TTK: variants seen among roughly 807,000 people sequenced by gnomAD.
The protein encoded by TTK is TTK protein kinase, also known as dual specificity protein kinase TTK.
In TTK, 59 loss-of-function variants were observed where a neutral mutation model predicts 117.3. The observed-to-expected ratio is 0.50, with a 90% CI of 0.41 to 0.62. The LOEUF is 0.62. Among genes scored for constraint, TTK ranks in the 20% least tolerant of loss-of-function variants. The pLI, the probability that TTK is intolerant of heterozygous loss-of-function variation, is 0.00. For missense variants in TTK, 921 were observed against 989.4 expected (o/e 0.93, Z 0.93); for synonymous variants, 302 against 325.0 (o/e 0.93, Z 0.76).
At chr6:80,036,408 C>A in intron 16 of TTK, 67 bp from the exon 17 acceptor site, 3 of 1,525,126 alleles carry the variant, frequency 2.0e-6, no homozygotes, top group Admixed American at 2.1e-5. Flanking sequence ...GACCTGTAGA[C>A]TGTGAATTTT....
intron 10 of TTK, among the ~76,000 whole-genome samples, chr6:80,019,213 G>A (rs1279360734): frequency 6.6e-6 from 1 of 152,174 alleles, no homozygotes. Context: ...CTAGCATAAG[G>A]TGAAATTTTT....
chr6:80,007,877 C>T lies in TTK; in HGVS notation c.208C>T (p.Leu70Phe), dbSNP rs763634581. The T allele has an allele frequency of 2.7e-5, 43 of 1,613,128 alleles. No homozygotes were observed. In the South Asian group the frequency reaches 3.8e-4, roughly 14 times the overall value. ...CCCAGAGGACTGGTTGAGTTTGTTG[C>T]TCAAACTAGAGAAAAACAGTGTTCC... Reference protein sequence around the residue: ...NNPEDWLSLLLKLEKNSVPLS... With the variant: ...NNPEDWLSLLFKLEKNSVPLS... Residue 70 changes from leucine (L) to phenylalanine (F), a missense_variant, in exon 3 of 22, where the codon CTC becomes TTC. Physicochemically the swap from Leu to Phe is conservative, Grantham distance 22 (BLOSUM62 0). Transcript: ENST00000369798.
intron 11 of TTK, among the ~76,000 whole-genome samples, chr6:80,022,774 C>T (rs1767496269): frequency 6.6e-6 from 1 of 152,200 alleles, no homozygotes; most frequent in Admixed American, 6.5e-5. Context: ...CACTGACACA[C>T]TCATTCATTT....
chr6:80,037,111 CGTT>C (rs1562025543), intron 17 of TTK, among the ~76,000 whole-genome samples: 20 of 152,022 alleles, frequency 1.3e-4, no homozygotes, highest in Admixed American at 6.6e-5. Flanking sequence ...AACTAAAAGA[CGTT>C]GTTCTATAAA....
chr6:80,008,568 ATAT>A, intron 4 of TTK, 76 bp downstream of exon 4: 2 of 1,319,712 alleles, frequency 1.5e-6, no homozygotes, highest in South Asian at 2.9e-5. Flanking sequence ...ATTAAATCAT[ATAT>A]ATGAAGTGGA....
intron 10 of TTK, among the ~76,000 whole-genome samples, chr6:80,021,203 GAAGGAAAAATCCTTCAGAC>G (rs1249504751): frequency 6.6e-6 from 1 of 152,192 alleles, no homozygotes; most frequent in Admixed American, 6.5e-5. Flanking sequence ...AAAGGGAAGG[GAAGGAAAAATCCTTCAGAC>G]AAGGGTGGTC....
rs1768062917 is a variant in TTK at position 80,042,100 on chromosome 6, T to C, written c.2491-19T>C. On this transcript the variant is annotated intron_variant, in intron 21 of 21. Coordinates refer to ENST00000369798, the MANE Select transcript of TTK (RefSeq NM_003318.5). ...TTAACTAAAAAATTGCAAAACAGAT[T>C]TGTGTTTTTTAATTTCAGACTTTAT... 1.3e-6 allele frequency: 2 copies of C among 1,516,920 alleles called. No individual in the cohort carries two copies. Among genetic ancestry groups the C allele is most frequent in the South Asian group, 2.7e-5 (2 of 74,020 alleles). The allele number at this position is 1,516,920 out of a possible 1,614,324, so 94.0% of individuals were successfully genotyped here.
At chr6:80,016,188 GGT>G (rs1436772715) in intron 10 of TTK, among the ~76,000 whole-genome samples, 1 of 152,044 alleles carries the variant, frequency 6.6e-6, no homozygotes, top group Admixed American at 6.6e-5. Flanking sequence ...TGAATATTTT[GGT>G]GTCTTTTGAT....
chr6:80,007,990 G>GAC lies in TTK; in HGVS notation c.322_323insCA (p.Ser108ThrfsTer8). The GAC allele has an allele frequency of 5.7e-5, 91 of 1,610,226 alleles. No individual in the cohort carries two copies. The highest frequency in any genetic ancestry group is 7.3e-5 in the Non-Finnish European group (86 of 1,176,718). ...CCCCAGATAAATATGGCCAAAATGA[G>GAC]AGTTTTGCTAGAATTCAAGTGAGAT... On this transcript the variant is annotated frameshift_variant, in exon 3 of 22. Coordinates refer to ENST00000369798, the MANE Select transcript of TTK (RefSeq NM_003318.5). LOFTEE classifies it high-confidence loss of function.
At chr6:80,004,750 G>A in intron 1 of TTK, 37 bp downstream of exon 1, 1 of 151,942 alleles carries the variant, frequency 6.6e-6, no homozygotes, top group Non-Finnish European at 1.5e-5. Context: ...GCGCACTGAG[G>A]AACAGCCGCA....
At chr6:80,018,648 A>AAAAG (rs372287303) in intron 10 of TTK, among the ~76,000 whole-genome samples, 1 of 143,354 alleles carries the variant, frequency 7.0e-6, no homozygotes, top group African/African-American at 2.6e-5. Context: ...AAAAAAAAAA[A>AAAAG]TATAGCTTTT....
At chr6:80,014,737 G>A in intron 10 of TTK, 151 bp downstream of exon 10, 3 of 701,266 alleles carry the variant, frequency 4.3e-6, no homozygotes, top group Non-Finnish European at 6.3e-6. Flanking sequence ...TAGGGTATAT[G>A]AAAAGTACTG....
At chr6:80,005,723 T>C in intron 1 of TTK, 119 bp from the exon 2 acceptor site, 1 of 1,064,026 alleles carries the variant, frequency 9.4e-7, no homozygotes, top group South Asian at 1.5e-5. Context: ...TAATAATAGC[T>C]GCATTTAGAT....
chr6:80,037,991 C>A lies in TTK; in HGVS notation c.2074C>A (p.Pro692Thr), dbSNP rs1299124272. ...GGTTGGCACAGTTAATTATATGCCA[C>A]CAGAAGCAATCAAAGATATGTCTTC... ...SQVGTVNYMP[P>T]EAIKDMSSSR... Residue 692 changes from proline (P) to threonine (T), a missense_variant, in exon 18 of 22, where the codon CCA becomes ACA. By Grantham distance (38) the Pro-to-Thr change is conservative (BLOSUM62 -1). Transcript: ENST00000369798. 6.2e-7 allele frequency: 1 copy of A among 1,609,918 alleles called. No individual in the cohort carries two copies. The highest frequency in any genetic ancestry group is 1.1e-5 in the South Asian group (1 of 90,582).
chr6:80,009,831 A>G (rs57018426), intron 4 of TTK, among the ~76,000 whole-genome samples: 5,665 of 152,062 alleles, frequency 0.037, 337 homozygotes, highest in African/African-American at 0.13. Context: ...GAGTATTTTT[A>G]TAGGGATGGA....
chr6:80,028,410 C>T (rs1259016863), intron 13 of TTK, among the ~76,000 whole-genome samples: 1 of 151,744 alleles, frequency 6.6e-6, no homozygotes, highest in African/African-American at 2.4e-5. Context: ...CTCTGCTTCC[C>T]AGGTTCAAGC....
intron 21 of TTK, 90 bp downstream of exon 21, chr6:80,040,793 T>A: frequency 8.5e-7 from 1 of 1,179,830 alleles, no homozygotes. Context: ...GAAAAGTTGG[T>A]CCAATCATCA....
chr6:80,038,494 A>T (rs1025744150), intron 18 of TTK, among the ~76,000 whole-genome samples: 3 of 152,144 alleles, frequency 2.0e-5, no homozygotes, highest in African/African-American at 7.2e-5. Context: ...CTCTTCATTA[A>T]CAACTGTCTT....
intron 16 of TTK, 62 bp from the exon 17 acceptor site, chr6:80,036,413 A>C: frequency 1.3e-6 from 2 of 1,531,746 alleles, no homozygotes; most frequent in Non-Finnish European, 1.8e-6. Flanking sequence ...GTAGACTGTG[A>C]ATTTTTTGGT....
Sources: gnomAD v4.1 joint callset for allele counts (sites outside exome capture counted in the v4.1 genomes callset) on GRCh38, gnomAD v4.1.1 for gene constraint, MANE v1.5 for transcripts, NCBI Gene and HGNC (gene_info 2026-07-23, HGNC 2026-07-21) for gene names.